The following EVI5 variants were observed in gnomAD, a reference collection of about 807,000 sequenced individuals.
The protein encoded by EVI5 is ecotropic viral integration site 5.
Under a neutral mutation model 112.0 loss-of-function variants are expected in EVI5, and 73 were observed. That is an observed-to-expected ratio of 0.65 (90% CI 0.54 to 0.79). EVI5 has a LOEUF of 0.79. Among genes scored for constraint, EVI5 ranks in the 30% least tolerant of loss-of-function variants. The pLI is 0.00. For missense variants in EVI5, 900 were observed against 968.8 expected (o/e 0.93, Z 0.94); for synonymous variants, 305 against 319.9 (o/e 0.95, Z 0.50).
chr1:92,659,595 T>C (rs892025281), intron 13 of EVI5, among the ~76,000 whole-genome samples: 3 of 151,892 alleles, frequency 2.0e-5, no homozygotes, highest in African/African-American at 4.8e-5. Flanking sequence ...ATAACAGATA[T>C]TGGTGAGGAT....
At chr1:92,615,041 C>T (rs1294336716) in intron 16 of EVI5, among the ~76,000 whole-genome samples, 7 of 151,692 alleles carry the variant, frequency 4.6e-5, no homozygotes, top group Admixed American at 1.3e-4. Context: ...CTGCTTAATA[C>T]GGTAAGACCC....
chr1:92,727,611 CTTTAATTT>C (rs1675770429), intron 2 of EVI5, among the ~76,000 whole-genome samples: 1 of 152,094 alleles, frequency 6.6e-6, no homozygotes, highest in Non-Finnish European at 1.5e-5. Flanking sequence ...AAAAATAAAA[CTTTAATTT>C]TTTAAAAAAA....
intron 19 of EVI5, among the ~76,000 whole-genome samples, chr1:92,551,523 T>C (rs1666936452): frequency 6.6e-6 from 1 of 152,228 alleles, no homozygotes; most frequent in African/African-American, 2.4e-5. Context: ...AAACTGTAGC[T>C]CATTTTAGCA....
chr1:92,642,222 G>A (rs1391457258), intron 13 of EVI5, among the ~76,000 whole-genome samples: 5 of 152,056 alleles, frequency 3.3e-5, no homozygotes, highest in African/African-American at 7.2e-5. Context: ...ATTTACCTCT[G>A]GTTATTTGTG....
At chr1:92,744,844 A>T (rs899179824) in intron 1 of EVI5, among the ~76,000 whole-genome samples, 1 of 152,050 alleles carries the variant, frequency 6.6e-6, no homozygotes, top group Non-Finnish European at 1.5e-5. Context: ...CGTAAGTAAA[A>T]TTTTTTTTAT....
rs975563802 is a variant in EVI5 at position 92,726,454 on chromosome 1, C to A, written c.149+9944G>T. Among the ~76,000 whole-genome samples the A allele has an allele frequency of 3.9e-5, 6 of 152,184 alleles. No individual in the cohort carries two copies. In the East Asian group the frequency reaches 7.7e-4, roughly 20 times the overall value. Reference sequence around the variant, plus strand: ...AACTGTCAACCTATTAAATAGAATTCTATAGTCAAAGAAATATATGTAAAA... The same window carrying A: ...AACTGTCAACCTATTAAATAGAATTATATAGTCAAAGAAATATATGTAAAA... On this transcript the variant is annotated intron_variant, in intron 2 of 19. Transcript: ENST00000684568.
chr1:92,747,870 G>C (rs994642274), intron 1 of EVI5, among the ~76,000 whole-genome samples: 2 of 152,006 alleles, frequency 1.3e-5, no homozygotes, highest in African/African-American at 4.8e-5. Context: ...TGGGTGGTTT[G>C]CCAGTAATGA....
At chr1:92,617,437 G>A (rs1018399382) in intron 16 of EVI5, among the ~76,000 whole-genome samples, 1 of 152,194 alleles carries the variant, frequency 6.6e-6, no homozygotes, top group Non-Finnish European at 1.5e-5. Flanking sequence ...TCCCATGTGA[G>A]TGCTCACCAA....
intron 18 of EVI5, among the ~76,000 whole-genome samples, chr1:92,604,592 T>C (rs960312980): frequency 6.6e-6 from 1 of 152,176 alleles, no homozygotes; most frequent in Non-Finnish European, 1.5e-5. Context: ...ATAAGTAGAA[T>C]TAGACTCTAA....
At chr1:92,548,872 C>A (rs932705325) in intron 19 of EVI5, among the ~76,000 whole-genome samples, 11 of 152,312 alleles carry the variant, frequency 7.2e-5, no homozygotes, top group African/African-American at 2.6e-4. Flanking sequence ...GAAGAACATT[C>A]CATGCTCATG....
At chr1:92,673,507 T>C (rs1265660303) in intron 10 of EVI5, among the ~76,000 whole-genome samples, 1 of 152,156 alleles carries the variant, frequency 6.6e-6, no homozygotes, top group Non-Finnish European at 1.5e-5. Context: ...TTTTTTCTTT[T>C]TTAAAATTGA....
At chr1:92,649,055 T>C (rs1364131885) in intron 13 of EVI5, among the ~76,000 whole-genome samples, 1 of 152,230 alleles carries the variant, frequency 6.6e-6, no homozygotes, top group Non-Finnish European at 1.5e-5. Flanking sequence ...TAAAAAATTA[T>C]AGCCATCCAT....
At position 92,630,745 on chromosome 1, in the gene EVI5, C is replaced by T. The variant is rs1000718483; in HGVS notation, c.1528-4811G>A. 4.9e-4 allele frequency among the ~76,000 whole-genome samples: 75 copies of T among 152,122 alleles called. 1 individual carries two copies. The highest frequency in any genetic ancestry group is 9.6e-4 in the East Asian group (5 of 5,184). ...GTTTTAGACATGAAGTCCTTGCCCA[C>T]GCCTATGTCCTAAATGATACTGCCT... On this transcript the variant is annotated intron_variant, in intron 14 of 19. Transcript: ENST00000684568.
chr1:92,713,696 G>A (rs1237544852), intron 2 of EVI5, among the ~76,000 whole-genome samples: 1 of 152,104 alleles, frequency 6.6e-6, no homozygotes, highest in Non-Finnish European at 1.5e-5. Flanking sequence ...AGAATCACTT[G>A]AACCCAGGAG....
chr1:92,701,656 T>G (rs1166673835), intron 5 of EVI5, among the ~76,000 whole-genome samples: 3 of 152,092 alleles, frequency 2.0e-5, no homozygotes, highest in Non-Finnish European at 2.9e-5. Flanking sequence ...AATAACAAAG[T>G]TATATCCCTA....
chr1:92,719,693 C>A (rs1158467659), intron 2 of EVI5, among the ~76,000 whole-genome samples: 3 of 151,938 alleles, frequency 2.0e-5, no homozygotes, highest in African/African-American at 4.8e-5. Flanking sequence ...GAAGTTCTCG[C>A]CAGGGTAATC....
chr1:92,777,480 C>T (rs1209238307), intron 1 of EVI5, among the ~76,000 whole-genome samples: 1 of 152,116 alleles, frequency 6.6e-6, no homozygotes, highest in Non-Finnish European at 1.5e-5. Flanking sequence ...CACTTCCAAT[C>T]TTGAGATTAT....
At chr1:92,527,360 T>G (rs1288191101) in intron 19 of EVI5, among the ~76,000 whole-genome samples, 1 of 141,344 alleles carries the variant, frequency 7.1e-6, no homozygotes, top group Non-Finnish European at 1.5e-5. Flanking sequence ...GGTTGCAATG[T>G]GCTGAGATGG....
At chr1:92,624,074 T>C in intron 16 of EVI5, 102 bp downstream of exon 16, 1 of 1,068,484 alleles carries the variant, frequency 9.4e-7, no homozygotes, top group Non-Finnish European at 1.4e-6. Flanking sequence ...TACAGCTTCA[T>C]ATCTTTACCT....
Sources: gnomAD v4.1 joint callset for allele counts (sites outside exome capture counted in the v4.1 genomes callset) on GRCh38, gnomAD v4.1.1 for gene constraint, MANE v1.5 for transcripts, NCBI Gene and HGNC (gene_info 2026-07-23, HGNC 2026-07-21) for gene names.